The following NCOA1 variants were observed in gnomAD, a reference collection of about 807,000 sequenced individuals.
The protein encoded by NCOA1 is nuclear receptor coactivator 1.
In NCOA1, 35 loss-of-function variants were observed where a neutral mutation model predicts 150.9. The observed-to-expected ratio is 0.23, with a 90% confidence interval of 0.18 to 0.31. The LOEUF is 0.31. Ranked by LOEUF, NCOA1 falls within the 10% of genes least tolerant of loss-of-function variation. The pLI, the probability that NCOA1 is intolerant of heterozygous loss-of-function variation, is 1.00. For missense variants in NCOA1, 1,491 were observed against 1,749.3 expected (o/e 0.85, Z 2.63); for synonymous variants, 590 against 630.0 (o/e 0.94, Z 0.95).
rs576732773 is a variant in NCOA1 at position 24,749,251 on chromosome 2, A to G, written c.3707-2731A>G. Among the ~76,000 whole-genome samples, 5 of 152,302 alleles carry G rather than the reference A, an allele frequency of 3.3e-5. No homozygotes were observed. The South Asian group carries it at 6.2e-4, about 19-fold the overall frequency. ...CTGTGCTGCGGGGAGGGAGAATCCA[A>G]CAGGAGCCAGGCCATTTCCCTGAGC... On this transcript the variant is annotated intron_variant, in intron 19 of 22. Transcript: ENST00000348332.
intron 13 of NCOA1, 24 bp from the exon 14 acceptor site, chr2:24,710,907 T>G: frequency 6.2e-7 from 1 of 1,608,510 alleles, no homozygotes; most frequent in Non-Finnish European, 8.5e-7. Context: ...ATATATTTCC[T>G]CTAACTTTGG....
chr2:24,662,829 C>T (rs1287268565), intron 5 of NCOA1, among the ~76,000 whole-genome samples: 2 of 151,788 alleles, frequency 1.3e-5, no homozygotes, highest in Non-Finnish European at 2.9e-5. Flanking sequence ...ATTCTATTGC[C>T]CAGGCTGGAG....
At chr2:24,552,351 ATATTTTTTTTTTTTTTT>A (rs1169864352) in intron 1 of NCOA1, among the ~76,000 whole-genome samples, 2 of 30,042 alleles carry the variant, frequency 6.7e-5, no homozygotes, top group African/African-American at 2.8e-4. Flanking sequence ...ATATATATAT[ATATTTTTTTTTTTTTTT>A]TTTTTTTTTT....
intron 4 of NCOA1, among the ~76,000 whole-genome samples, chr2:24,645,519 A>G (rs1670430489): frequency 6.6e-6 from 1 of 151,762 alleles, no homozygotes; most frequent in Non-Finnish European, 1.5e-5. Flanking sequence ...AGAAAAAAAA[A>G]AAAAAAAAAA....
At chr2:24,618,997 A>G (rs142409994) in intron 3 of NCOA1, among the ~76,000 whole-genome samples, 2 of 152,176 alleles carry the variant, frequency 1.3e-5, no homozygotes, top group African/African-American at 4.8e-5. Flanking sequence ...TAAAAATTTG[A>G]TGTTACTTAC....
chr2:24,710,722 TA>T (rs1368180889), intron 13 of NCOA1, among the ~76,000 whole-genome samples: 2 of 61,380 alleles, frequency 3.3e-5, no homozygotes, highest in Non-Finnish European at 1.1e-4. Flanking sequence ...ATATGAATAC[TA>T]TTATCAGAAG....
intron 17 of NCOA1, among the ~76,000 whole-genome samples, chr2:24,731,843 G>A (rs1445749956): frequency 6.6e-6 from 1 of 152,186 alleles, no homozygotes; most frequent in African/African-American, 2.4e-5. Context: ...GACTACACTA[G>A]GTACTATAAG....
chr2:24,632,608 A>G (rs1262688015), intron 3 of NCOA1, among the ~76,000 whole-genome samples: 2 of 152,172 alleles, frequency 1.3e-5, no homozygotes, highest in African/African-American at 4.8e-5. Context: ...TTGGCTCCCA[A>G]ATTGAAAACT....
chr2:24,506,191 A>G (rs1261777616), intron 1 of NCOA1, among the ~76,000 whole-genome samples: 1 of 151,770 alleles, frequency 6.6e-6, no homozygotes, highest in Non-Finnish European at 1.5e-5. Context: ...CATCATCATC[A>G]TCATCATTAG....
chr2:24,650,925 C>A (rs1474544958), intron 4 of NCOA1, among the ~76,000 whole-genome samples: 25 of 152,048 alleles, frequency 1.6e-4, no homozygotes, highest in Admixed American at 1.6e-3. Context: ...ATGCAGAATG[C>A]TCCAATGAGC....
rs1183405187 is a variant in NCOA1, at chr2:24,576,149, G to GTTTT, written c.-259-8317_-259-8314dup. Among the ~76,000 whole-genome samples the GTTTT allele has an allele frequency of 2.6e-3, 245 of 93,972 alleles. 10 individuals are homozygous for GTTTT. Among genetic ancestry groups the GTTTT allele is most frequent in the Non-Finnish European group, 3.6e-3 (176 of 48,844 alleles). The allele number at this position is 93,972 out of a possible 152,430, so 61.6% of individuals were successfully genotyped here. On this transcript the variant is annotated intron_variant, in intron 2 of 22. Coordinates refer to ENST00000348332, the MANE Select transcript of NCOA1 (RefSeq NM_003743.5). Reference sequence around the variant, plus strand: ...GAGTTTCAGAAATTATTTGGCCTTTGTTTTTTTTTTTTTGTTTTTTGTTTT... The same window carrying GTTTT: ...GAGTTTCAGAAATTATTTGGCCTTTGTTTTTTTTTTTTTTTTTGTTTTTTGTTTT...
intron 3 of NCOA1, among the ~76,000 whole-genome samples, chr2:24,638,265 A>G (rs539146568): frequency 5.4e-5 from 7 of 130,762 alleles, no homozygotes; most frequent in Non-Finnish European, 7.9e-5. Flanking sequence ...GGCTTATTTC[A>G]CTTAATGTCT....
intron 1 of NCOA1, among the ~76,000 whole-genome samples, chr2:24,523,025 A>G (rs1411791528): frequency 6.6e-6 from 1 of 152,182 alleles, no homozygotes; most frequent in Non-Finnish European, 1.5e-5. Flanking sequence ...TAAATATTTT[A>G]CTTGTTAATT....
chr2:24,705,566 A>G (rs777335962), intron 12 of NCOA1, among the ~76,000 whole-genome samples: 19 of 152,110 alleles, frequency 1.2e-4, no homozygotes, highest in South Asian at 2.1e-4. Flanking sequence ...TTTTATTTTT[A>G]TTTTTGAAAG....
rs190857154 is a variant in NCOA1 at position 24,721,049 on chromosome 2, A to G, written c.2600-5540A>G. On this transcript the variant is annotated intron_variant, in intron 14 of 22. Coordinates refer to ENST00000348332, the MANE Select transcript of NCOA1 (RefSeq NM_003743.5). ...CATGACACTTATCTTTTTCTCTTATACTTTTCTTTTCCTTGCCATTTTGCA... is the reference window on the plus strand; with the variant it reads ...CATGACACTTATCTTTTTCTCTTATGCTTTTCTTTTCCTTGCCATTTTGCA... Among the ~76,000 whole-genome samples the G allele has an allele frequency of 6.6e-5, 10 of 152,236 alleles. No homozygotes were observed. In the East Asian group the frequency reaches 1.2e-3, roughly 18 times the overall value.
At chr2:24,547,486 G>A (rs1043339618) in intron 1 of NCOA1, among the ~76,000 whole-genome samples, 2 of 152,098 alleles carry the variant, frequency 1.3e-5, no homozygotes, top group Non-Finnish European at 2.9e-5. Context: ...GCTTACTGAC[G>A]TGTCCATATT....
chr2:24,690,651 CAAAAAAA>C (rs70947837), intron 8 of NCOA1, among the ~76,000 whole-genome samples: 303 of 38,424 alleles, frequency 7.9e-3, no homozygotes, highest in African/African-American at 0.025. Context: ...GATTCCATCT[CAAAAAAA>C]AAAAAAAAAA....
intron 14 of NCOA1, among the ~76,000 whole-genome samples, chr2:24,715,732 A>AG (rs1280602650): frequency 6.6e-6 from 1 of 152,192 alleles, no homozygotes. Context: ...GAGAAATTAG[A>AG]GGGGGGCCAA....
chr2:24,702,106 A>G (rs1673192468), intron 11 of NCOA1, among the ~76,000 whole-genome samples: 2 of 152,240 alleles, frequency 1.3e-5, no homozygotes. Context: ...ACCGATATCA[A>G]TGATTAATTA....
Sources: gnomAD v4.1 joint callset for allele counts (sites outside exome capture counted in the v4.1 genomes callset) on GRCh38, gnomAD v4.1.1 for gene constraint, MANE v1.5 for transcripts, NCBI Gene and HGNC (gene_info 2026-07-23, HGNC 2026-07-21) for gene names.